The following NT5DC1 variants were observed in gnomAD, a reference collection of about 807,000 sequenced individuals.
NT5DC1 encodes 5'-nucleotidase domain containing 1.
In NT5DC1, 42 loss-of-function variants were observed where a neutral mutation model predicts 59.4. The observed-to-expected ratio is 0.71, with a 90% CI of 0.55 to 0.92. The LOEUF is 0.92. NT5DC1 is among the 40% of genes least tolerant of loss of function. The pLI, the probability that NT5DC1 is intolerant of heterozygous loss-of-function variation, is 0.00. For missense variants in NT5DC1, 501 were observed against 537.1 expected, an observed-to-expected ratio of 0.93 and a Z score of 0.66; for synonymous variants, 172 against 188.1, an observed-to-expected ratio of 0.91 and a Z score of 0.70.
At chr6:116,180,070 T>C (rs1188249431) in intron 6 of NT5DC1, among the ~76,000 whole-genome samples, 1 of 152,146 alleles carries the variant, frequency 6.6e-6, no homozygotes, top group Non-Finnish European at 1.5e-5. Context: ...GTGTTGAATT[T>C]ATAATGATCT....
At chr6:116,222,997 C>A in intron 7 of NT5DC1, 37 bp from the exon 8 acceptor site, 2 of 1,128,700 alleles carry the variant, frequency 1.8e-6, no homozygotes, top group Non-Finnish European at 2.7e-6. Context: ...TTTTCTAATT[C>A]TTAAAATAAA....
At chr6:116,149,462 A>G (rs112695396) in intron 6 of NT5DC1, among the ~76,000 whole-genome samples, 4,969 of 152,304 alleles carry the variant, frequency 0.033, 289 homozygotes, top group African/African-American at 0.11. Context: ...CTAAGAGAAC[A>G]CTAACCTATT....
intron 6 of NT5DC1, among the ~76,000 whole-genome samples, chr6:116,127,422 G>T (rs1361089960): frequency 2.0e-5 from 3 of 151,938 alleles, no homozygotes; most frequent in African/African-American, 7.3e-5. Context: ...ATATATCTCT[G>T]TATAATACTC....
chr6:116,100,962 A>G lies in NT5DC1; in HGVS notation c.32A>G (p.Asp11Gly). Residue 11 changes from aspartate to glycine, a missense_variant, in exon 1 of 12, where the codon GAC (aspartate) becomes GGC (glycine). Transcript: ENST00000319550. Reference protein sequence around the residue: MAQHFSLAACDVVGFDLDHTL... With the variant: MAQHFSLAACGVVGFDLDHTL... ...CAGCACTTCTCCCTGGCCGCCTGCG[A>G]CGTGGTCGGATTCGACCTGGACCAC... The G allele has an allele frequency of 6.2e-7, 1 of 1,604,926 alleles. No individual in the cohort carries two copies. Among genetic ancestry groups the G allele is most frequent in the Non-Finnish European group, 8.5e-7 (1 of 1,176,844 alleles).
chr6:116,195,297 A>G (rs1487473265), intron 6 of NT5DC1, among the ~76,000 whole-genome samples: 1 of 152,094 alleles, frequency 6.6e-6, no homozygotes, highest in Non-Finnish European at 1.5e-5. Flanking sequence ...TTTCGCTATT[A>G]AAATTATACA....
chr6:116,181,672 C>T (rs1349146818), intron 6 of NT5DC1, among the ~76,000 whole-genome samples: 2 of 151,754 alleles, frequency 1.3e-5, no homozygotes, highest in Admixed American at 1.3e-4. Context: ...TTACAAAATG[C>T]AAGTACCTAG....
At chr6:116,243,842 G>T in intron 11 of NT5DC1, 67 bp from the exon 12 acceptor site, 1 of 629,940 alleles carries the variant, frequency 1.6e-6, no homozygotes, top group Non-Finnish European at 2.8e-6. Context: ...TGAATATCAA[G>T]TTTTGATTTG....
intron 6 of NT5DC1, among the ~76,000 whole-genome samples, chr6:116,125,162 A>G (rs1779256936): frequency 6.6e-6 from 1 of 152,144 alleles, no homozygotes; most frequent in South Asian, 2.1e-4. Context: ...TTTCTACTAC[A>G]CTTATTGGAT....
At chr6:116,118,041 A>G (rs138513989) in intron 6 of NT5DC1, 96 bp downstream of exon 6, 1 of 740,094 alleles carries the variant, frequency 1.4e-6, no homozygotes, top group Non-Finnish European at 2.5e-6. Flanking sequence ...TGTGTATCTT[A>G]CTTAGGATTT....
chr6:116,191,229 G>C (rs1355149542), intron 6 of NT5DC1, among the ~76,000 whole-genome samples: 2 of 152,002 alleles, frequency 1.3e-5, no homozygotes, highest in Admixed American at 6.6e-5. Context: ...TTCCTTTGTA[G>C]TTTAGCAAGA....
In NT5DC1 at chr6:116,246,435, C is replaced by T. The variant is rs1376605713; in HGVS notation, c.*2411C>T. The T allele has an allele frequency of 6.7e-6, 1 of 150,018 alleles. No individual in the cohort carries two copies. Among genetic ancestry groups the T allele is most frequent in the Non-Finnish European group, 1.5e-5 (1 of 67,722 alleles). 9.3% of individuals were successfully genotyped at this position (150,018 alleles called of 1,614,324 possible). ...TAAACTGAAATCAAGTATTATTTCC[C>T]CACCAATATTCATATCCAAAAATAA... On this transcript the variant is annotated 3_prime_UTR_variant, in exon 12 of 12. Transcript: ENST00000319550.
rs78437121 is a variant in NT5DC1, at chr6:116,190,587, A to G, written c.530-30467A>G. ...ATTAAATTGAGAGGGAAAAGATGAC[A>G]GTGGTTGTGGGGGTAAACACCCCAT... is the stretch of plus-strand genomic sequence containing the variant. On this transcript the variant is annotated intron_variant, in intron 6 of 11. Coordinates refer to ENST00000319550, the MANE Select transcript of NT5DC1 (RefSeq NM_152729.3). Among the ~76,000 whole-genome samples the G allele has an allele frequency of 2.0e-3, 311 of 152,098 alleles. 1 individual carries two copies. The highest frequency in any genetic ancestry group is 0.01 in the Middle Eastern group (3 of 294).
At position 116,248,249 on chromosome 6, in the gene NT5DC1, C is replaced by G. The variant is rs376476257; in HGVS notation, c.*4225C>G. 4 of 152,246 alleles carry G rather than the reference C, an allele frequency of 2.6e-5. No homozygotes were observed. Among genetic ancestry groups the G allele is most frequent in the African/African-American group, 7.2e-5 (3 of 41,556 alleles). 9.4% of individuals were successfully genotyped at this position (152,246 alleles called of 1,614,324 possible). Reference sequence around the variant, plus strand: ...TCTACTTTCTGGACCTCTGTTTTCTCAACTATTTAAATGGAAATAATAAAA... The same window carrying G: ...TCTACTTTCTGGACCTCTGTTTTCTGAACTATTTAAATGGAAATAATAAAA... On this transcript the variant is annotated 3_prime_UTR_variant, in exon 12 of 12. Coordinates refer to ENST00000319550, the MANE Select transcript of NT5DC1 (RefSeq NM_152729.3).
At position 116,106,262 on chromosome 6, in the gene NT5DC1, G is replaced by T. The variant is rs1482947842; in HGVS notation, c.112G>T (p.Ala38Ser). The T allele has an allele frequency of 6.4e-7, 1 of 1,561,982 alleles. No individual in the cohort carries two copies. The highest frequency in any genetic ancestry group is 2.2e-5 in the East Asian group (1 of 44,590). ...ESAPLIYNSF[A>S]QFLVKEKGYD... The stretch of plus-strand genomic sequence containing the variant: ...TTTGCAGCTCATTTATAATAGCTTT[G>T]CCCAGTTCCTAGTTAAGGAGAAAGG... Residue 38 changes from alanine to serine, a missense_variant, in exon 2 of 12, where the codon GCC becomes TCC. Coordinates refer to ENST00000319550, the MANE Select transcript of NT5DC1 (RefSeq NM_152729.3).
At chr6:116,156,455 GCC>G (rs1780195722) in intron 6 of NT5DC1, among the ~76,000 whole-genome samples, 1 of 152,180 alleles carries the variant, frequency 6.6e-6, no homozygotes, top group African/African-American at 2.4e-5. Context: ...ATTATAGTCT[GCC>G]TCATAAGGGA....
intron 6 of NT5DC1, chr6:116,121,207 C>T (rs748899727): frequency 6.2e-7 from 1 of 1,613,520 alleles, no homozygotes; most frequent in African/African-American, 1.3e-5. Context: ...TCAGGCCTGG[C>T]AAGCCTGGTT....
At chr6:116,187,903 A>G (rs1781037581) in intron 6 of NT5DC1, among the ~76,000 whole-genome samples, 1 of 152,082 alleles carries the variant, frequency 6.6e-6, no homozygotes, top group Admixed American at 6.6e-5. Flanking sequence ...AAAAATTACT[A>G]AGAACGAAAG....
At chr6:116,117,064 G>A (rs1778978276) in intron 5 of NT5DC1, among the ~76,000 whole-genome samples, 3 of 152,134 alleles carry the variant, frequency 2.0e-5, no homozygotes, top group African/African-American at 2.4e-5. Context: ...CTTTCATATC[G>A]AAATTCAGGT....
At position 116,129,926 on chromosome 6, in the gene NT5DC1, A is replaced by G. The variant is rs1448378515; in HGVS notation, c.529+11981A>G. On this transcript the variant is annotated intron_variant, in intron 6 of 11. Transcript: ENST00000319550. ...AGGTTTGAGATACACACATTCACTC[A>G]CACACAGATACAGCACACACAAATA... is the stretch of plus-strand genomic sequence containing the variant. 2.0e-5 allele frequency among the ~76,000 whole-genome samples: 3 copies of G among 152,282 alleles called. No individual in the cohort carries two copies. In the East Asian group the frequency reaches 5.8e-4, roughly 29 times the overall value.
Sources: allele counts gnomAD v4.1 joint callset (sites outside exome capture counted in the v4.1 genomes callset), GRCh38; gene constraint gnomAD v4.1.1; transcripts MANE v1.5; gene names NCBI Gene and HGNC (gene_info 2026-07-23, HGNC 2026-07-21).